KAZN: variants seen among roughly 807,000 people sequenced by gnomAD.
The protein encoded by KAZN is kazrin.
KAZN carries 40 observed loss-of-function variants against 87.4 expected under a neutral mutation model. The observed-to-expected ratio is 0.46, with a 90% CI of 0.36 to 0.60. KAZN has a LOEUF of 0.60. Among genes scored for constraint, KAZN ranks in the 20% least tolerant of loss-of-function variants. The pLI is 0.00. For synonymous variants in KAZN, 466 were observed against 458.3 expected (o/e 1.02, Z -0.22); for missense variants, 898 against 1,073.9 (o/e 0.84, Z 2.29).
At chr1:14,746,241 C>T (rs1450822152) in intron 1 of KAZN, among the ~76,000 whole-genome samples, 4 of 146,690 alleles carry the variant, frequency 2.7e-5, no homozygotes. Context: ...TCTTGATTCC[C>T]CTACCAAGTT....
At chr1:14,849,346 T>C (rs1489869448) in intron 1 of KAZN, among the ~76,000 whole-genome samples, 1 of 152,240 alleles carries the variant, frequency 6.6e-6, no homozygotes, top group Non-Finnish European at 1.5e-5. Flanking sequence ...CTAATCATCG[T>C]CATCCTCATC....
chr1:14,524,130 T>C (rs1279714959), intron 2 of KAZN, among the ~76,000 whole-genome samples: 1 of 152,090 alleles, frequency 6.6e-6, no homozygotes, highest in Non-Finnish European at 1.5e-5. Context: ...CAAGCGATTC[T>C]CCTGCTTCAG....
intron 1 of KAZN, among the ~76,000 whole-genome samples, chr1:14,014,965 AATTTT>A (rs758848141): frequency 6.6e-6 from 1 of 152,178 alleles, no homozygotes; most frequent in African/African-American, 2.4e-5. Flanking sequence ...AATTTATTAT[AATTTT>A]ATGATGAGAT....
intron 4 of KAZN, among the ~76,000 whole-genome samples, chr1:15,050,904 G>A (rs1054247732): frequency 7.2e-5 from 11 of 152,150 alleles, no homozygotes; most frequent in Non-Finnish European, 1.2e-4. Context: ...AGCTCACACC[G>A]GTGCCTCCCT....
intron 1 of KAZN, among the ~76,000 whole-genome samples, chr1:13,948,710 A>G (rs1056984324): frequency 5.3e-5 from 8 of 151,984 alleles, no homozygotes; most frequent in African/African-American, 1.4e-4. Context: ...TCTGCAAACA[A>G]TCTTTTTCCT....
At chr1:14,231,529 C>A (rs1647850504) in intron 2 of KAZN, among the ~76,000 whole-genome samples, 1 of 152,162 alleles carries the variant, frequency 6.6e-6, no homozygotes, top group South Asian at 2.1e-4. Context: ...ATGACAGAAT[C>A]AAAAATCCTG....
intron 2 of KAZN, among the ~76,000 whole-genome samples, chr1:14,244,896 T>C (rs1649348695): frequency 6.6e-6 from 1 of 151,980 alleles, no homozygotes; most frequent in South Asian, 2.1e-4. Context: ...GTTGAGGCAA[T>C]TGTAGTATTC....
chr1:14,412,774 T>C (rs972066504), intron 2 of KAZN, among the ~76,000 whole-genome samples: 10 of 151,626 alleles, frequency 6.6e-5, no homozygotes, highest in African/African-American at 2.2e-4. Context: ...TCATGGAAGT[T>C]ATATATGCAA....
At chr1:14,835,501 AT>A (rs1647205309) in intron 1 of KAZN, among the ~76,000 whole-genome samples, 1 of 152,248 alleles carries the variant, frequency 6.6e-6, no homozygotes, top group Admixed American at 6.5e-5. Context: ...CATGAGGTGC[AT>A]TATGTTACTC....
chr1:14,375,757 G>A (rs1012318766), intron 2 of KAZN, among the ~76,000 whole-genome samples: 12 of 152,046 alleles, frequency 7.9e-5, no homozygotes, highest in African/African-American at 1.7e-4. Flanking sequence ...GTGTGGTGGC[G>A]GGTGCCTGTA....
Position 15,117,479 on chromosome 1 carries a change from C to T in KAZN, c.*2844C>T, listed in dbSNP as rs750703854. 6.6e-6 allele frequency: 1 copy of T among 152,428 alleles called. No homozygotes were observed. Among genetic ancestry groups the T allele is most frequent in the African/African-American group, 2.4e-5 (1 of 41,436 alleles). The allele number at this position is 152,428 out of a possible 1,614,324, so 9.4% of individuals were successfully genotyped here. On this transcript the variant is annotated 3_prime_UTR_variant, in exon 15 of 15. Transcript: ENST00000376030. ...TCTGTTGGCATCGCTGTTTTCAGAC[C>T]CCAGGCTGCAGAGGAGGGGAGAAGC...
At chr1:14,349,261 G>A (rs1488544549) in intron 2 of KAZN, 1 of 152,274 alleles carries the variant, frequency 6.6e-6, no homozygotes, top group Non-Finnish European at 1.5e-5. Context: ...CTTGGAGGAT[G>A]AGGACTCAGA....
At chr1:13,991,871 T>C (rs944723717) in intron 1 of KAZN, among the ~76,000 whole-genome samples, 1 of 152,160 alleles carries the variant, frequency 6.6e-6, no homozygotes, top group African/African-American at 2.4e-5. Flanking sequence ...CCTTGAACTA[T>C]AGATACAGAC....
intron 1 of KAZN, among the ~76,000 whole-genome samples, chr1:14,743,234 C>G (rs1644162060): frequency 6.6e-6 from 1 of 151,900 alleles, no homozygotes; most frequent in Non-Finnish European, 1.5e-5. Flanking sequence ...GAGTTCGAGA[C>G]CAGCCTGGCC....
intron 2 of KAZN, among the ~76,000 whole-genome samples, chr1:14,569,320 CTTTTTTTT>C (rs35144232): frequency 1.1e-5 from 1 of 92,328 alleles, no homozygotes; most frequent in African/African-American, 4.5e-5. Context: ...ACTTCCTCTG[CTTTTTTTT>C]TTTTTTTTTT....
intron 1 of KAZN, among the ~76,000 whole-genome samples, chr1:14,668,327 A>T (rs1293866919): frequency 6.6e-6 from 1 of 152,136 alleles, no homozygotes; most frequent in Non-Finnish European, 1.5e-5. Flanking sequence ...GGGTGAGTCC[A>T]TCAGCGGTTC....
In KAZN at chr1:14,759,210, GC is replaced by G. The variant is rs1366695933; in HGVS notation, c.226+159989del. ...CGCGTTCCTATCTCAGCCTGGCTGTGCCAAAGCCTGACATTTCTTGTTCTGA... is the reference window on the plus strand; with the variant it reads ...CGCGTTCCTATCTCAGCCTGGCTGTGCAAAGCCTGACATTTCTTGTTCTGA... On this transcript the variant is annotated intron_variant, in intron 1 of 14. Transcript: ENST00000376030. Among the ~76,000 whole-genome samples, 6 of 152,312 alleles carry G rather than the reference GC, an allele frequency of 3.9e-5. No individual in the cohort carries two copies. In the East Asian group the frequency reaches 1.2e-3, roughly 29 times the overall value.
intron 1 of KAZN, among the ~76,000 whole-genome samples, chr1:14,710,860 G>A (rs950459353): frequency 3.3e-5 from 5 of 152,196 alleles, no homozygotes; most frequent in Non-Finnish European, 7.3e-5. Context: ...TGGGAACAGT[G>A]CCTGGCATAT....
intron 1 of KAZN, among the ~76,000 whole-genome samples, chr1:14,087,040 A>G (rs71629871): frequency 6.6e-6 from 1 of 152,084 alleles, no homozygotes; most frequent in Non-Finnish European, 1.5e-5. Flanking sequence ...TAGGTTGTGA[A>G]TTTTTCAAAA....
Sources: allele counts gnomAD v4.1 joint callset (sites outside exome capture counted in the v4.1 genomes callset), GRCh38; gene constraint gnomAD v4.1.1; transcripts MANE v1.5; gene names NCBI Gene and HGNC (gene_info 2026-07-23, HGNC 2026-07-21).